WDR7: variants seen among roughly 807,000 people sequenced by gnomAD.
The protein encoded by WDR7 is WD repeat domain 7.
Under a neutral mutation model 169.4 loss-of-function variants are expected in WDR7, and 46 were observed. The observed-to-expected ratio is 0.27, with a 90% CI of 0.21 to 0.35. The LOEUF is 0.35. Among genes scored for constraint, WDR7 ranks in the 10% least tolerant of loss-of-function variants. The probability of loss-of-function intolerance (pLI) is 1.00; values close to 1 mark genes in which losing one functional copy is unlikely to be tolerated. For synonymous variants in WDR7, 612 were observed against 666.8 expected (o/e 0.92, Z 1.27); for missense variants, 1,534 against 1,859.3 (o/e 0.83, Z 3.22).
chr18:56,774,906 A>C (rs142665655), intron 16 of WDR7, among the ~76,000 whole-genome samples: 41 of 152,170 alleles, frequency 2.7e-4, no homozygotes, highest in Non-Finnish European at 4.3e-4. Flanking sequence ...TTTTTTTCTA[A>C]ATGAAATGTC....
At chr18:56,716,460 T>G (rs958834768) in intron 12 of WDR7, among the ~76,000 whole-genome samples, 1 of 152,194 alleles carries the variant, frequency 6.6e-6, no homozygotes, top group African/African-American at 2.4e-5. Flanking sequence ...AATAAATAGT[T>G]AAATATTACT....
chr18:56,900,906 C>A lies in WDR7; in HGVS notation c.3526+20741C>A, dbSNP rs550125976. Among the ~76,000 whole-genome samples the A allele has an allele frequency of 3.9e-5, 6 of 152,354 alleles. No homozygotes were observed. The South Asian group carries it at 1.2e-3, about 32-fold the overall frequency. ...ACCTCTATCAATGAAGCTTAACATT[C>A]TGCCAGCTGGCAAAGGACATGTTTC... On this transcript the variant is annotated intron_variant, in intron 21 of 27. Coordinates refer to ENST00000254442, the MANE Select transcript of WDR7 (RefSeq NM_015285.3).
At chr18:56,677,337 G>A (rs898725927) in intron 2 of WDR7, among the ~76,000 whole-genome samples, 5 of 152,152 alleles carry the variant, frequency 3.3e-5, no homozygotes, top group East Asian at 3.9e-4. Context: ...GGTTCCAGAC[G>A]TGTTGGAGCT....
At chr18:56,689,525 G>T (rs1278790999) in intron 7 of WDR7, among the ~76,000 whole-genome samples, 1 of 152,218 alleles carries the variant, frequency 6.6e-6, no homozygotes, top group African/African-American at 2.4e-5. Context: ...CTCCCAAAGG[G>T]CTGGGATTAT....
At chr18:56,987,478 A>G (rs2047741393) in intron 26 of WDR7, among the ~76,000 whole-genome samples, 1 of 152,094 alleles carries the variant, frequency 6.6e-6, no homozygotes, top group Non-Finnish European at 1.5e-5. Flanking sequence ...TTGATAATGG[A>G]CTGAGATGAG....
intron 21 of WDR7, among the ~76,000 whole-genome samples, chr18:56,915,555 TG>T (rs2145615095): frequency 6.6e-6 from 1 of 152,282 alleles, no homozygotes; most frequent in South Asian, 2.1e-4. Flanking sequence ...GCAGTGGCTA[TG>T]TCTTCATTGA....
At chr18:56,906,894 T>G (rs1168792351) in intron 21 of WDR7, among the ~76,000 whole-genome samples, 1 of 152,214 alleles carries the variant, frequency 6.6e-6, no homozygotes, top group Admixed American at 6.5e-5. Context: ...TGAAAAAGTC[T>G]AAGATTGGCA....
intron 26 of WDR7, among the ~76,000 whole-genome samples, chr18:56,998,206 G>A (rs1036436658): frequency 5.9e-5 from 9 of 152,112 alleles, no homozygotes; most frequent in African/African-American, 2.2e-4. Context: ...CGTAATTTTT[G>A]TGCCTGTGTT....
chr18:56,677,645 T>C lies in WDR7; in HGVS notation c.160-1687T>C, dbSNP rs574840242. On this transcript the variant is annotated intron_variant, in intron 2 of 27. Transcript: ENST00000254442. ...AGATTTTAGGCATGAGCCACTGTGC[T>C]TGGCCCAGTGTATGTTGTGTCTTTT... Among the ~76,000 whole-genome samples the C allele has an allele frequency of 3.6e-4, 55 of 152,292 alleles. No individual in the cohort carries two copies. The South Asian group carries it at 0.011, about 30-fold the overall frequency.
At chr18:56,778,489 G>A (rs772662550) in intron 17 of WDR7, among the ~76,000 whole-genome samples, 47 of 152,198 alleles carry the variant, frequency 3.1e-4, no homozygotes, top group South Asian at 8.3e-4. Context: ...CGATAATTTG[G>A]TAAGAATGAG....
At chr18:56,969,374 T>A (rs1458360457) in intron 26 of WDR7, among the ~76,000 whole-genome samples, 1 of 152,216 alleles carries the variant, frequency 6.6e-6, no homozygotes, top group Non-Finnish European at 1.5e-5. Context: ...GTTTTGATCA[T>A]CATACATAAT....
At chr18:56,795,998 G>A (rs925521731) in intron 19 of WDR7, among the ~76,000 whole-genome samples, 1 of 152,084 alleles carries the variant, frequency 6.6e-6, no homozygotes, top group Non-Finnish European at 1.5e-5. Context: ...TAGATAACAC[G>A]ATGACATTAT....
At chr18:56,695,832 T>TA (rs2025690877) in intron 11 of WDR7, among the ~76,000 whole-genome samples, 1 of 152,190 alleles carries the variant, frequency 6.6e-6, no homozygotes, top group Non-Finnish European at 1.5e-5. Flanking sequence ...CATATATATA[T>TA]AACCATACCT....
At chr18:56,745,127 TATGA>T (rs1195372285) in intron 14 of WDR7, among the ~76,000 whole-genome samples, 1 of 152,160 alleles carries the variant, frequency 6.6e-6, no homozygotes, top group Non-Finnish European at 1.5e-5. Context: ...ATACATGCCT[TATGA>T]ATGTGTTTTG....
At chr18:56,744,061 A>G (rs2043662268) in intron 14 of WDR7, among the ~76,000 whole-genome samples, 1 of 151,892 alleles carries the variant, frequency 6.6e-6, no homozygotes, top group African/African-American at 2.4e-5. Flanking sequence ...ACCATGGTGA[A>G]ACCCCGTCTC....
intron 16 of WDR7, among the ~76,000 whole-genome samples, chr18:56,764,163 A>G (rs1161432846): frequency 1.3e-5 from 2 of 152,162 alleles, no homozygotes; most frequent in African/African-American, 4.8e-5. Context: ...TAATATAGGC[A>G]TTCAATGCTA....
At chr18:56,808,304 T>C (rs2044810588) in intron 19 of WDR7, among the ~76,000 whole-genome samples, 1 of 152,188 alleles carries the variant, frequency 6.6e-6, no homozygotes, top group Non-Finnish European at 1.5e-5. Flanking sequence ...AATGTTCATA[T>C]CAAATTATTG....
At chr18:56,964,139 T>C (rs2047372454) in intron 26 of WDR7, among the ~76,000 whole-genome samples, 2 of 150,628 alleles carry the variant, frequency 1.3e-5, no homozygotes, top group African/African-American at 4.9e-5. Context: ...AAGGACAAAG[T>C]TGTACTTCAG....
intron 13 of WDR7, among the ~76,000 whole-genome samples, chr18:56,727,844 T>C (rs1046401992): frequency 6.6e-6 from 1 of 152,226 alleles, no homozygotes; most frequent in Admixed American, 6.5e-5. Flanking sequence ...ACCATTGATA[T>C]GTTACAACCA....
Sources: gnomAD v4.1 joint callset for allele counts (sites outside exome capture counted in the v4.1 genomes callset) on GRCh38, gnomAD v4.1.1 for gene constraint, MANE v1.5 for transcripts, NCBI Gene and HGNC (gene_info 2026-07-23, HGNC 2026-07-21) for gene names.